PCM1: variants seen among roughly 807,000 people sequenced by gnomAD.
PCM1 encodes the protein pericentriolar material 1.
Under a neutral mutation model 241.9 loss-of-function variants are expected in PCM1, and 157 were observed. The observed-to-expected ratio is 0.65, with a 90% CI of 0.57 to 0.74. The LOEUF is 0.74. Ranked by LOEUF, PCM1 falls within the 30% of genes least tolerant of loss-of-function variation. The pLI is 0.00. For synonymous variants in PCM1, 1,085 were observed against 784.9 expected (o/e 1.38, Z -6.39); for missense variants, 3,478 against 2,360.1 (o/e 1.47, Z -9.81).
At chr8:18,020,751 A>T (rs1356083658) in intron 36 of PCM1, among the ~76,000 whole-genome samples, 1 of 152,232 alleles carries the variant, frequency 6.6e-6, no homozygotes, top group Non-Finnish European at 1.5e-5. Flanking sequence ...ACGTGATCTA[A>T]GACTTAACCA....
chr8:17,984,072 C>G (rs1226353189), intron 24 of PCM1, among the ~76,000 whole-genome samples: 1 of 152,080 alleles, frequency 6.6e-6, no homozygotes, highest in African/African-American at 2.4e-5. Context: ...CATAAACTTT[C>G]CACCTCTTGA....
intron 26 of PCM1, among the ~76,000 whole-genome samples, chr8:17,986,817 G>A (rs1348609868): frequency 1.3e-5 from 2 of 151,774 alleles, no homozygotes; most frequent in African/African-American, 4.8e-5. Flanking sequence ...GACAACTCTA[G>A]CACCTAGAGA....
At chr8:18,017,900 C>G (rs2093375522) in intron 36 of PCM1, among the ~76,000 whole-genome samples, 1 of 151,922 alleles carries the variant, frequency 6.6e-6, no homozygotes. Context: ...CAATAATCAA[C>G]ACCAATGGGA....
intron 9 of PCM1, among the ~76,000 whole-genome samples, chr8:17,953,710 G>A (rs923568988): frequency 2.0e-5 from 3 of 152,132 alleles, no homozygotes; most frequent in South Asian, 2.1e-4. Context: ...ATCTCAAGCA[G>A]GTATAACTGC....
chr8:17,964,890 C>T (rs1275844912), intron 18 of PCM1, 122 bp downstream of exon 18: 6 of 705,806 alleles, frequency 8.5e-6, no homozygotes, highest in Non-Finnish European at 9.7e-6. Flanking sequence ...TCAATTTTTA[C>T]ACTAACTACT....
rs1300642301 is a variant in PCM1 at position 17,963,351 on chromosome 8, G to C, written c.2654+60G>C. On this transcript the variant is annotated intron_variant, in intron 17 of 38. Transcript: ENST00000325083. ...GTCACCTGCCGAAGATTGACCTGTA[G>C]GCTAGGCAGCCACATTTCTCCTCTA... The C allele has an allele frequency of 2.2e-5, 29 of 1,292,418 alleles. No homozygotes were observed. The East Asian group carries it at 3.4e-4, about 15-fold the overall frequency. 80.1% of individuals were successfully genotyped at this position (1,292,418 alleles called of 1,614,324 possible).
rs185002081 is a variant in PCM1, at chr8:17,999,059, C to T, written c.4827+5440C>T. On this transcript the variant is annotated intron_variant, in intron 29 of 38. Transcript: ENST00000325083. ...ACCCTTCAGGGCAGTGGGCTCTCCT[C>T]TGGCCCAGGGCAGGTCCAGAAATGC... 2.3e-4 allele frequency among the ~76,000 whole-genome samples: 35 copies of T among 152,270 alleles called. 1 individual carries two copies. The highest frequency in any genetic ancestry group is 2.1e-3 in the Admixed American group (32 of 15,296).
intron 30 of PCM1, among the ~76,000 whole-genome samples, chr8:18,008,890 A>G (rs1266505489): frequency 3.9e-5 from 6 of 152,230 alleles, no homozygotes; most frequent in African/African-American, 7.2e-5. Context: ...CCAACGTTCA[A>G]GTTGCCAGGG....
intron 38 of PCM1, among the ~76,000 whole-genome samples, chr8:18,026,552 C>A (rs780475874): frequency 6.6e-6 from 1 of 151,692 alleles, no homozygotes; most frequent in Non-Finnish European, 1.5e-5. Flanking sequence ...AACCACCATG[C>A]CCAGCCCAAA....
chr8:17,967,981 C>G (rs1325132949), intron 21 of PCM1, among the ~76,000 whole-genome samples: 1 of 150,778 alleles, frequency 6.6e-6, no homozygotes, highest in African/African-American at 2.5e-5. Flanking sequence ...TTAATGAATG[C>G]TTATAGTACA....
intron 12 of PCM1, 42 bp from the exon 13 acceptor site, chr8:17,957,498 C>T (rs1330602301): frequency 1.9e-6 from 3 of 1,605,544 alleles, no homozygotes; most frequent in Admixed American, 3.3e-5. Context: ...TGTGCTCTTT[C>T]CTTTAAAAGT....
At chr8:17,941,337 A>G (rs916110344) in intron 6 of PCM1, among the ~76,000 whole-genome samples, 3 of 152,318 alleles carry the variant, frequency 2.0e-5, no homozygotes, top group African/African-American at 7.2e-5. Context: ...ATAATATAAA[A>G]TGACGGTATG....
chr8:17,976,372 A>T (rs2078776571), intron 23 of PCM1, among the ~76,000 whole-genome samples: 1 of 152,210 alleles, frequency 6.6e-6, no homozygotes, highest in Admixed American at 6.5e-5. Context: ...ACTGCAGCTA[A>T]GCCTGTTTAG....
chr8:18,011,765 G>C lies in PCM1; in HGVS notation c.5449G>C (p.Asp1817His), dbSNP rs944645864. The change falls in exon 34 of 39, where the codon GAT becomes CAT. Residue 1817 changes from aspartate to histidine, a missense_variant. Asp to His is a moderately conservative substitution (Grantham distance 81, BLOSUM62 -1). Transcript: ENST00000325083. ...EMEEFEEGPVDVQTSLQANTE... is the reference protein window; with the variant it reads ...EMEEFEEGPVHVQTSLQANTE... ...GGAAGAATTTGAAGAAGGCCCTGTGGATGTCCAGACTTCCCTCCAGGCTAA... is the reference window on the plus strand; with the variant it reads ...GGAAGAATTTGAAGAAGGCCCTGTGCATGTCCAGACTTCCCTCCAGGCTAA... The C allele has an allele frequency of 1.2e-6, 2 of 1,613,650 alleles. No individual in the cohort carries two copies. Among genetic ancestry groups the C allele is most frequent in the African/African-American group, 1.3e-5 (1 of 74,896 alleles).
chr8:17,973,861 G>C (rs1371743647), intron 23 of PCM1, among the ~76,000 whole-genome samples: 4 of 152,130 alleles, frequency 2.6e-5, no homozygotes, highest in Non-Finnish European at 5.9e-5. Flanking sequence ...GAGAAATCCT[G>C]TAGTAAGAAA....
intron 27 of PCM1, 66 bp downstream of exon 27, chr8:17,990,045 C>G (rs1288712098): frequency 2.3e-6 from 3 of 1,309,828 alleles, no homozygotes; most frequent in African/African-American, 3.0e-5. Context: ...TTTGAATTGG[C>G]GTTGATAAGG....
In PCM1 at chr8:17,986,060, T is replaced by A; in HGVS notation, c.4383T>A (p.Pro1461=). 6.3e-7 allele frequency: 1 copy of A among 1,596,292 alleles called. No homozygotes were observed. The highest frequency in any genetic ancestry group is 8.5e-7 in the Non-Finnish European group (1 of 1,170,734). ...TAGCATCAAACTCAGAACTTACTCCTAGTGAGAGCCTTGCTACTACTGATG... is the reference window on the plus strand; with the variant it reads ...TAGCATCAAACTCAGAACTTACTCCAAGTGAGAGCCTTGCTACTACTGATG... ...TWIASNSELT[P]SESLATTDDE... The change falls in exon 26 of 39, where the codon CCT becomes CCA. Residue 1461 remains proline (P), a synonymous_variant. Transcript: ENST00000325083.
intron 34 of PCM1, chr8:18,013,685 A>G: frequency 3.6e-6 from 1 of 281,354 alleles, no homozygotes. Flanking sequence ...TGTCTGCATT[A>G]AGTGTCTTTT....
chr8:17,947,979 G>T (rs974127143), intron 7 of PCM1, among the ~76,000 whole-genome samples: 2 of 152,146 alleles, frequency 1.3e-5, no homozygotes, highest in African/African-American at 2.4e-5. Context: ...GTCTAATTTT[G>T]TACGTTTATC....
Sources: allele counts gnomAD v4.1 joint callset (sites outside exome capture counted in the v4.1 genomes callset), GRCh38; gene constraint gnomAD v4.1.1; transcripts MANE v1.5; gene names NCBI Gene and HGNC (gene_info 2026-07-23, HGNC 2026-07-21).